TENM4: variants seen among roughly 807,000 people sequenced by gnomAD.
TENM4 encodes teneurin-4.
In TENM4, 82 loss-of-function variants were observed where a neutral mutation model predicts 243.3. That is an observed-to-expected ratio of 0.34 (90% CI 0.28 to 0.40). The LOEUF is 0.40. Ranked by LOEUF, TENM4 falls within the 10% of genes least tolerant of loss-of-function variation. TENM4 has a pLI of 1.00. For missense variants in TENM4, 3,138 were observed against 3,673.3 expected (o/e 0.85, Z 3.77); for synonymous variants, 1,412 against 1,456.3 (o/e 0.97, Z 0.69).
At chr11:79,007,303 G>A (rs1254111627) in intron 6 of TENM4, among the ~76,000 whole-genome samples, 1 of 152,086 alleles carries the variant, frequency 6.6e-6, no homozygotes. Context: ...GTGGGGGCTG[G>A]AGCGGGGAGC....
intron 1 of TENM4, among the ~76,000 whole-genome samples, chr11:79,398,196 C>T (rs1012114199): frequency 2.0e-5 from 3 of 151,774 alleles, no homozygotes; most frequent in Non-Finnish European, 4.4e-5. Context: ...TTTGCAACTC[C>T]CCACCTCATG....
chr11:79,086,030 G>A (rs1040798300), intron 4 of TENM4, among the ~76,000 whole-genome samples: 3 of 152,180 alleles, frequency 2.0e-5, no homozygotes, highest in Non-Finnish European at 4.4e-5. Flanking sequence ...CTGGAAGTGA[G>A]GCATGATGGT....
intron 3 of TENM4, among the ~76,000 whole-genome samples, chr11:79,164,835 C>T (rs758218794): frequency 1.5e-4 from 23 of 151,882 alleles, no homozygotes; most frequent in Non-Finnish European, 2.8e-4. Flanking sequence ...CCTTTCACCT[C>T]GTGCCATGAT....
chr11:78,850,826 T>A (rs1359268844), intron 12 of TENM4, among the ~76,000 whole-genome samples: 1 of 152,164 alleles, frequency 6.6e-6, no homozygotes, highest in Non-Finnish European at 1.5e-5. Context: ...CAAAGTACTA[T>A]TGTTCCATTT....
intron 3 of TENM4, among the ~76,000 whole-genome samples, chr11:79,205,066 G>T (rs541790730): frequency 2.4e-4 from 37 of 152,284 alleles, no homozygotes; most frequent in African/African-American, 8.7e-4. Context: ...GGAAGGAGAG[G>T]AATGAGATTG....
chr11:79,070,588 C>T (rs918633321), intron 4 of TENM4, among the ~76,000 whole-genome samples: 1 of 152,222 alleles, frequency 6.6e-6, no homozygotes. Flanking sequence ...TTGCCCATCT[C>T]CTTCTGCTAG....
At chr11:78,785,721 G>C (rs1201397352) in intron 16 of TENM4, among the ~76,000 whole-genome samples, 1 of 152,132 alleles carries the variant, frequency 6.6e-6, no homozygotes, top group African/African-American at 2.4e-5. Context: ...CCAAAACCCA[G>C]GGATGTTGCA....
intron 4 of TENM4, among the ~76,000 whole-genome samples, chr11:79,095,440 A>G (rs780735070): frequency 2.2e-4 from 33 of 152,190 alleles, no homozygotes; most frequent in Non-Finnish European, 3.8e-4. Context: ...TAGCAAGTAT[A>G]TATTCCTTTG....
At chr11:79,374,014 C>A (rs954406311) in intron 1 of TENM4, among the ~76,000 whole-genome samples, 1 of 152,138 alleles carries the variant, frequency 6.6e-6, no homozygotes, top group African/African-American at 2.4e-5. Flanking sequence ...GGCATGCAGG[C>A]AAGCCTGGGT....
At chr11:79,004,972 T>A (rs1163059919) in intron 6 of TENM4, among the ~76,000 whole-genome samples, 10 of 139,066 alleles carry the variant, frequency 7.2e-5, no homozygotes, top group African/African-American at 2.3e-4. Context: ...CAACTCTGAC[T>A]ACTATGAATA....
intron 30 of TENM4, 39 bp from the exon 31 acceptor site, chr11:78,672,368 G>T: frequency 1.9e-6 from 3 of 1,582,026 alleles, no homozygotes; most frequent in South Asian, 1.2e-5. Context: ...AATTAATCTG[G>T]ACCATGAGAA....
intron 28 of TENM4, among the ~76,000 whole-genome samples, chr11:78,689,911 T>C (rs76978145): frequency 0.039 from 5,971 of 152,228 alleles, 229 homozygotes; most frequent in African/African-American, 0.098. Flanking sequence ...GCCGGTGGCC[T>C]TTGGGGAAGT....
At chr11:79,156,180 C>G (rs1862612171) in intron 3 of TENM4, among the ~76,000 whole-genome samples, 1 of 152,132 alleles carries the variant, frequency 6.6e-6, no homozygotes, top group African/African-American at 2.4e-5. Flanking sequence ...AGGGACAGGT[C>G]TGGGCTTGCA....
intron 26 of TENM4, among the ~76,000 whole-genome samples, chr11:78,712,088 C>A (rs1859411497): frequency 6.6e-6 from 1 of 152,074 alleles, no homozygotes. Flanking sequence ...TGAGAGACAG[C>A]ATATATGTCC....
chr11:79,298,688 T>C (rs987977205), intron 1 of TENM4, among the ~76,000 whole-genome samples: 4 of 152,158 alleles, frequency 2.6e-5, no homozygotes, highest in Non-Finnish European at 4.4e-5. Flanking sequence ...TCTACAGATA[T>C]GATTTCATGA....
rs575255549 is a variant in TENM4, at chr11:79,123,210, G to A, written c.-66+25500C>T. 5.9e-5 allele frequency among the ~76,000 whole-genome samples: 9 copies of A among 152,284 alleles called. No homozygotes were observed. In the South Asian group the frequency reaches 1.9e-3, roughly 32 times the overall value. On this transcript the variant is annotated intron_variant, in intron 4 of 33. Coordinates refer to ENST00000278550, the MANE Select transcript of TENM4 (RefSeq NM_001098816.3). ...TATGCTTACATAGTGCTTACTATGG[G>A]CCAGGACCAAACCTATATTAACACA...
intron 17 of TENM4, 37 bp downstream of exon 17, chr11:78,778,565 C>T (rs769272830): frequency 1.2e-6 from 2 of 1,604,090 alleles, no homozygotes; most frequent in Non-Finnish European, 1.7e-6. Context: ...AACACACACA[C>T]AAAGACAACA....
Position 78,771,132 on chromosome 11 carries a change from C to T in TENM4, c.2399G>A (p.Cys800Tyr), listed in dbSNP as rs1241672392. 5.7e-6 allele frequency: 9 copies of T among 1,567,458 alleles called. No individual in the cohort carries two copies. The change falls in exon 18 of 34, where the codon TGC (cysteine) becomes TAC (tyrosine). Residue 800 changes from cysteine to tyrosine, a missense_variant. This residue lies in a region of TENM4 where 2,467 missense variants were observed against 3,059.1 expected (regional missense o/e 0.81). Coordinates refer to ENST00000278550, the MANE Select transcript of TENM4 (RefSeq NM_001098816.3). ...HYLDRVVKEG[C>Y]PGLCNGNGRC... Reference sequence around the variant, plus strand: ...GCCGTTGCCATTGCACAACCCAGGGCAACCCTCTGAAAGACAAAGTACAGG... The same window carrying T: ...GCCGTTGCCATTGCACAACCCAGGGTAACCCTCTGAAAGACAAAGTACAGG...
rs752548690 is a variant in TENM4, at chr11:79,355,299, G to A, written c.-320-57756C>T. ...TGCAATCCCAGCACTTTGGGAGGCC[G>A]AGGCAGACAGATCACCTGAGGTCAG... On this transcript the variant is annotated intron_variant, in intron 1 of 33. Transcript: ENST00000278550. Among the ~76,000 whole-genome samples the A allele has an allele frequency of 5.3e-5, 8 of 152,140 alleles. No individual in the cohort carries two copies. In the East Asian group the frequency reaches 9.6e-4, roughly 18 times the overall value.
Sources: gnomAD v4.1 joint callset for allele counts (sites outside exome capture counted in the v4.1 genomes callset) on GRCh38, gnomAD v4.1.1 for gene constraint, gnomAD v4.1.1 regional missense constraint, MANE v1.5 for transcripts, NCBI Gene and HGNC (gene_info 2026-07-23, HGNC 2026-07-21) for gene names.